The following PIAS2 variants were observed in gnomAD, a reference collection of about 807,000 sequenced individuals.
PIAS2 encodes the protein E3 SUMO-protein ligase PIAS2.
PIAS2 carries 19 observed loss-of-function variants against 69.7 expected under a neutral mutation model. The observed-to-expected ratio is 0.27, with a 90% CI of 0.19 to 0.40. The LOEUF (loss-of-function observed/expected upper bound fraction) is 0.40. Ranked by LOEUF, PIAS2 falls within the 10% of genes least tolerant of loss-of-function variation. The pLI is 1.00. For synonymous variants in PIAS2, 261 were observed against 263.2 expected (o/e 0.99, Z 0.08); for missense variants, 624 against 757.0 (o/e 0.82, Z 2.06).
At chr18:46,918,562 C>T (rs1334496306), upstream of PIAS2, among the ~76,000 whole-genome samples, 1 of 152,138 alleles carries the variant, frequency 6.6e-6, no homozygotes, top group Non-Finnish European at 1.5e-5. Flanking sequence ...TCAAGCGATT[C>T]TCCTACCTCC....
At chr18:46,852,007 G>C (rs770702091) in intron 5 of PIAS2, among the ~76,000 whole-genome samples, 1 of 152,116 alleles carries the variant, frequency 6.6e-6, no homozygotes, top group Non-Finnish European at 1.5e-5. Flanking sequence ...TTCTTTTGTG[G>C]CTTGTTGATG....
Position 46,811,598 on chromosome 18 carries a change from C to T in PIAS2, c.*835G>A, listed in dbSNP as rs1450273060. ...ACCCCAAAGACATTTCATTCAATGG[C>T]TGCATAGTTTCTTTTTTGAGAAGGC... is the stretch of plus-strand genomic sequence containing the variant. On this transcript the variant is annotated 3_prime_UTR_variant, in exon 14 of 14. Transcript: ENST00000585916. The T allele has an allele frequency of 6.6e-6, 1 of 150,904 alleles. No homozygotes were observed. The highest frequency in any genetic ancestry group is 1.5e-5 in the Non-Finnish European group (1 of 67,500). The allele number at this position is 150,904 out of a possible 1,614,324, so 9.3% of individuals were successfully genotyped here. A position where few individuals can be genotyped will look rare whatever the true frequency, so the allele number is the denominator to read the frequency against.
At chr18:46,896,941 T>C (rs1427101971) in intron 1 of PIAS2, among the ~76,000 whole-genome samples, 1 of 152,254 alleles carries the variant, frequency 6.6e-6, no homozygotes, top group Admixed American at 6.5e-5. Context: ...ATACAATATA[T>C]GGAGTTTCCT....
upstream of PIAS2, chr18:46,917,640 G>T: frequency 1.2e-6 from 1 of 814,596 alleles, no homozygotes; most frequent in Non-Finnish European, 1.5e-6. Flanking sequence ...GCCTGCCCCG[G>T]CGTGCTGCCC....
intron 1 of PIAS2, among the ~76,000 whole-genome samples, chr18:46,911,834 G>A (rs896154110): frequency 2.6e-5 from 4 of 152,112 alleles, no homozygotes; most frequent in East Asian, 3.9e-4. Context: ...GTGGATCACC[G>A]GAGGTCAGGA....
intron 1 of PIAS2, chr18:46,901,205 G>C (rs2055788920): frequency 2.8e-6 from 1 of 357,372 alleles, no homozygotes; most frequent in Non-Finnish European, 5.5e-6. Flanking sequence ...ATCACCTGCG[G>C]TCAGGAGTTC....
chr18:46,869,607 T>C (rs1042893504), intron 2 of PIAS2, among the ~76,000 whole-genome samples: 1 of 152,128 alleles, frequency 6.6e-6, no homozygotes, highest in Non-Finnish European at 1.5e-5. Flanking sequence ...ATGAAAGATA[T>C]AAAGCTAGTG....
chr18:46,829,633 T>A lies in PIAS2; in HGVS notation c.1336+101A>T. 4 of 1,011,278 alleles carry A rather than the reference T, an allele frequency of 4.0e-6. No individual in the cohort carries two copies. In the South Asian group the frequency reaches 6.7e-5, roughly 17 times the overall value. 62.6% of individuals were successfully genotyped at this position (1,011,278 alleles called of 1,614,324 possible). A position where few individuals can be genotyped will look rare whatever the true frequency, so the allele number is the denominator to read the frequency against. ...AACTATATATCATCAAAAGACTGAGTCAACAAGCTGAATTCCAAACGTATA... is the reference window on the plus strand; with the variant it reads ...AACTATATATCATCAAAAGACTGAGACAACAAGCTGAATTCCAAACGTATA... On this transcript the variant is annotated intron_variant, in intron 10 of 13. Transcript: ENST00000585916.
rs2040829192 is a variant in PIAS2 at position 46,808,739 on chromosome 18, T to G, written c.*3694A>C. 6.6e-6 allele frequency: 1 copy of G among 151,818 alleles called. No homozygotes were observed. Among genetic ancestry groups the G allele is most frequent in the Admixed American group, 6.6e-5 (1 of 15,240 alleles). 9.4% of individuals were successfully genotyped at this position (151,818 alleles called of 1,614,324 possible). A position where few individuals can be genotyped will look rare whatever the true frequency, so the allele number is the denominator to read the frequency against. ...AAATAATGGTAGTGTCATTATGACA[T>G]TCCATGAAAATGAAGAAAATCTTTC... On this transcript the variant is annotated 3_prime_UTR_variant, in exon 14 of 14. Coordinates refer to ENST00000585916, the MANE Select transcript of PIAS2 (RefSeq NM_004671.5).
intron 10 of PIAS2, among the ~76,000 whole-genome samples, chr18:46,828,333 G>A (rs887790943): frequency 6.6e-6 from 1 of 152,118 alleles, no homozygotes; most frequent in Non-Finnish European, 1.5e-5. Flanking sequence ...GGAGACAGGT[G>A]AGCACTATTC....
At chr18:46,896,165 C>CAAAAAAAAAAAAAAAAAAAAAAAAATA (rs1199712335) in intron 1 of PIAS2, among the ~76,000 whole-genome samples, 1 of 31,950 alleles carries the variant, frequency 3.1e-5, no homozygotes, top group Non-Finnish European at 6.2e-5. Flanking sequence ...AAGAAAAAAG[C>CAAAAAAAAAAAAAAAAAAAAAAAAATA]AAAAAAAAAA....
At chr18:46,906,876 G>A (rs539757406) in intron 1 of PIAS2, among the ~76,000 whole-genome samples, 1 of 152,018 alleles carries the variant, frequency 6.6e-6, no homozygotes, top group Admixed American at 6.6e-5. Context: ...AGGAGGACTT[G>A]TGCTACTTCT....
At chr18:46,879,825 C>T (rs767391278) in intron 2 of PIAS2, among the ~76,000 whole-genome samples, 11 of 151,850 alleles carry the variant, frequency 7.2e-5, no homozygotes, top group African/African-American at 2.2e-4. Flanking sequence ...TAATATGACA[C>T]GTAAGTCAAA....
chr18:46,917,152 G>A lies in PIAS2; in HGVS notation c.24+170C>T, dbSNP rs1199707115. On this transcript the variant is annotated intron_variant, in intron 1 of 13. Transcript: ENST00000585916. ...CGCGCCGCCCGCGTGCCCTCCGCCG[G>A]CCCGCTCCCCTCCCCCGCGCCCTCG... The A allele has an allele frequency of 4.7e-6, 5 of 1,062,750 alleles. No homozygotes were observed. The African/African-American group carries it at 6.9e-5, about 15-fold the overall frequency. The allele number at this position is 1,062,750 out of a possible 1,614,324, so 65.8% of individuals were successfully genotyped here.
chr18:46,813,964 T>G (rs2041242084), intron 13 of PIAS2, among the ~76,000 whole-genome samples: 1 of 152,154 alleles, frequency 6.6e-6, no homozygotes, highest in Admixed American at 6.5e-5. Flanking sequence ...CCACTAAAAC[T>G]GGGGGGTAAA....
chr18:46,824,437 G>A (rs2042565969), intron 11 of PIAS2, among the ~76,000 whole-genome samples: 1 of 152,158 alleles, frequency 6.6e-6, no homozygotes, highest in African/African-American at 2.4e-5. Context: ...TCATTTTTCA[G>A]AAGGGGCACA....
At chr18:46,854,728 T>G (rs2047485786) in intron 5 of PIAS2, among the ~76,000 whole-genome samples, 1 of 152,148 alleles carries the variant, frequency 6.6e-6, no homozygotes. Context: ...CCAACTATTA[T>G]TGCACCCACC....
At position 46,812,113 on chromosome 18, in the gene PIAS2, T is replaced by C. The variant is rs2041040505; in HGVS notation, c.*320A>G. 5.6e-6 allele frequency: 1 copy of C among 178,632 alleles called. No homozygotes were observed. Among genetic ancestry groups the C allele is most frequent in the Non-Finnish European group, 1.2e-5 (1 of 85,538 alleles). 11.1% of individuals were successfully genotyped at this position (178,632 alleles called of 1,614,324 possible). A position where few individuals can be genotyped will look rare whatever the true frequency, so the allele number is the denominator to read the frequency against. On this transcript the variant is annotated 3_prime_UTR_variant, in exon 14 of 14. Coordinates refer to ENST00000585916, the MANE Select transcript of PIAS2 (RefSeq NM_004671.5). ...ATATTTACATAATTTTATTGCTCTT[T>C]ATTTTAACAAAAACTTTTTTCACTG...
At chr18:46,855,757 A>G in intron 3 of PIAS2, 142 bp from the exon 4 acceptor site, 1 of 662,274 alleles carries the variant, frequency 1.5e-6, no homozygotes, top group Non-Finnish European at 2.6e-6. Flanking sequence ...CAATAATATA[A>G]GCCTTAATGA....
Sources: allele counts gnomAD v4.1 joint callset (sites outside exome capture counted in the v4.1 genomes callset), GRCh38; gene constraint gnomAD v4.1.1; transcripts MANE v1.5; gene names NCBI Gene and HGNC (gene_info 2026-07-23, HGNC 2026-07-21).